ADAMTS18: variants seen among roughly 807,000 people sequenced by gnomAD.
ADAMTS18 encodes A disintegrin and metalloproteinase with thrombospondin motifs 18.
In ADAMTS18, 157 loss-of-function variants were observed where a neutral mutation model predicts 165.9. The ratio of observed to expected loss-of-function variants is 0.95; its 90% CI spans 0.83 to 1.08. ADAMTS18 has a LOEUF of 1.08. Among genes scored for constraint, ADAMTS18 ranks in the 50% least tolerant of loss-of-function variants. The probability of loss-of-function intolerance (pLI) is 0.00; values close to 1 mark genes in which losing one functional copy is unlikely to be tolerated. For synonymous variants in ADAMTS18, 782 were observed against 578.2 expected (o/e 1.35, Z -5.06); for missense variants, 2,040 against 1,534.0 (o/e 1.33, Z -5.51).
At chr16:77,335,246 T>C (rs569540805) in intron 12 of ADAMTS18, among the ~76,000 whole-genome samples, 60 of 150,206 alleles carry the variant, frequency 4.0e-4, no homozygotes, top group African/African-American at 1.3e-3. Context: ...AAGACAAATA[T>C]TGTATCTTCT....
At chr16:77,346,028 A>G (rs900594959) in intron 10 of ADAMTS18, among the ~76,000 whole-genome samples, 1 of 152,188 alleles carries the variant, frequency 6.6e-6, no homozygotes, top group African/African-American at 2.4e-5. Flanking sequence ...ATGCTCTGCC[A>G]ACACTCAAAT....
At chr16:77,344,016 A>C (rs1041700715) in intron 10 of ADAMTS18, among the ~76,000 whole-genome samples, 1 of 151,828 alleles carries the variant, frequency 6.6e-6, no homozygotes, top group African/African-American at 2.4e-5. Flanking sequence ...TTACAGTTAG[A>C]AAATATGGCA....
At chr16:77,298,626 T>C (rs1463320635) in intron 17 of ADAMTS18, among the ~76,000 whole-genome samples, 1 of 151,798 alleles carries the variant, frequency 6.6e-6, no homozygotes, top group African/African-American at 2.4e-5. Flanking sequence ...ACCCCATCTC[T>C]ATAAAAAAGA....
At chr16:77,305,888 A>G (rs1417936165) in intron 16 of ADAMTS18, among the ~76,000 whole-genome samples, 1 of 152,180 alleles carries the variant, frequency 6.6e-6, no homozygotes, top group Non-Finnish European at 1.5e-5. Flanking sequence ...ATGTAACTTG[A>G]AAATGATCAT....
At chr16:77,417,370 T>C (rs2057544114) in intron 3 of ADAMTS18, among the ~76,000 whole-genome samples, 2 of 152,150 alleles carry the variant, frequency 1.3e-5, no homozygotes, top group Admixed American at 6.6e-5. Context: ...TGTTAGTTAC[T>C]GGCAGCTAGA....
At chr16:77,314,785 T>TATATATATAA (rs1430439608) in intron 16 of ADAMTS18, among the ~76,000 whole-genome samples, 1 of 87,102 alleles carries the variant, frequency 1.1e-5, no homozygotes, top group East Asian at 3.0e-4. Context: ...TATATATATA[T>TATATATATAA]AAAATATATG....
chr16:77,339,033 G>A (rs1330007896), intron 11 of ADAMTS18, among the ~76,000 whole-genome samples: 1 of 151,916 alleles, frequency 6.6e-6, no homozygotes, highest in East Asian at 1.9e-4. Context: ...ATCGCTGAAG[G>A]ACAAGGGACT....
chr16:77,293,069 T>G lies in ADAMTS18; in HGVS notation c.3189+7A>C. On this transcript the variant is annotated splice_region_variant and intron_variant, in intron 20 of 22. Transcript: ENST00000282849. ...CTCCTGACCCAGCAGTGACTTCTAATCCATACCTCGCTCCACGAAGAAGCG... is the reference window on the plus strand; with the variant it reads ...CTCCTGACCCAGCAGTGACTTCTAAGCCATACCTCGCTCCACGAAGAAGCG... The G allele has an allele frequency of 6.2e-7, 1 of 1,613,982 alleles. No homozygotes were observed. The highest frequency in any genetic ancestry group is 8.5e-7 in the Non-Finnish European group (1 of 1,179,968).
chr16:77,336,309 T>G (rs1413080810), intron 11 of ADAMTS18, among the ~76,000 whole-genome samples: 1 of 152,126 alleles, frequency 6.6e-6, no homozygotes, highest in African/African-American at 2.4e-5. Flanking sequence ...GTTAAGATAT[T>G]AACACAATTT....
intron 10 of ADAMTS18, among the ~76,000 whole-genome samples, chr16:77,342,952 TGAA>T (rs2056421114): frequency 6.6e-6 from 1 of 151,972 alleles, no homozygotes; most frequent in Non-Finnish European, 1.5e-5. Flanking sequence ...GCTTTGAAGA[TGAA>T]GGAGGGGCCA....
At chr16:77,321,620 G>A (rs563480904) in intron 14 of ADAMTS18, among the ~76,000 whole-genome samples, 1 of 152,200 alleles carries the variant, frequency 6.6e-6, no homozygotes, top group Non-Finnish European at 1.5e-5. Flanking sequence ...CACTCAAAGT[G>A]AAAGGAAAAA....
At chr16:77,329,926 C>T (rs1210606486) in intron 12 of ADAMTS18, among the ~76,000 whole-genome samples, 1 of 152,146 alleles carries the variant, frequency 6.6e-6, no homozygotes, top group Non-Finnish European at 1.5e-5. Flanking sequence ...GCTTCTGCAT[C>T]ATTTATCAAG....
intron 20 of ADAMTS18, among the ~76,000 whole-genome samples, chr16:77,292,298 A>C (rs2055378916): frequency 6.6e-6 from 1 of 152,178 alleles, no homozygotes; most frequent in Admixed American, 6.5e-5. Context: ...TGTCTCAAAA[A>C]TAAAAAATTT....
At chr16:77,314,635 ATG>A (rs1567474595) in intron 16 of ADAMTS18, among the ~76,000 whole-genome samples, 4 of 133,844 alleles carry the variant, frequency 3.0e-5, no homozygotes, top group South Asian at 2.4e-4. Flanking sequence ...ATGTGTGTGT[ATG>A]TGTGTGTGTG....
chr16:77,313,449 TA>T (rs35385204), intron 16 of ADAMTS18, among the ~76,000 whole-genome samples: 72,380 of 144,568 alleles, frequency 0.5, 18,496 homozygotes, highest in African/African-American at 0.54. Flanking sequence ...ATAATAAAAA[TA>T]AAATAAATAA....
chr16:77,297,360 G>C lies in ADAMTS18; in HGVS notation c.2730C>G (p.Ser910=), dbSNP rs1415039564. 2 of 1,613,940 alleles carry C rather than the reference G, an allele frequency of 1.2e-6. No individual in the cohort carries two copies. Among genetic ancestry groups the C allele is most frequent in the Non-Finnish European group, 1.7e-6 (2 of 1,179,852 alleles). ...CLRDQNTQVN[S]SFCSAKTKPV... ...GCTTGGTTTTTGCACTGCAGAATGA[G>C]GAATTGACTTGAGTATTTTGATCTC... Residue 910 remains serine (S), a synonymous_variant, in exon 18 of 23, where the codon TCC becomes TCG. Coordinates refer to ENST00000282849, the MANE Select transcript of ADAMTS18 (RefSeq NM_199355.4).
chr16:77,386,461 C>G (rs1467507419), intron 3 of ADAMTS18, among the ~76,000 whole-genome samples: 1 of 152,200 alleles, frequency 6.6e-6, no homozygotes, highest in African/African-American at 2.4e-5. Context: ...ATTGTCATTT[C>G]ATCCAATTTT....
Position 77,325,975 on chromosome 16 carries a change from G to T in ADAMTS18, c.1923C>A (p.Asn641Lys). Reference protein sequence around the residue: ...SSRIYQLCNINPCNENSLDFR... With the variant: ...SSRIYQLCNIKPCNENSLDFR... ...AATCCAAGCTATTTTCATTGCAAGGGTTAATATTGCACAGCTGATAAATAC... is the reference window on the plus strand; with the variant it reads ...AATCCAAGCTATTTTCATTGCAAGGTTTAATATTGCACAGCTGATAAATAC... The change falls in exon 13 of 23, where the codon AAC becomes AAA. Residue 641 changes from asparagine to lysine, a missense_variant. Transcript: ENST00000282849. 1 of 1,613,942 alleles carries T rather than the reference G, an allele frequency of 6.2e-7. No individual in the cohort carries two copies. Among genetic ancestry groups the T allele is most frequent in the Non-Finnish European group, 8.5e-7 (1 of 1,179,868 alleles).
chr16:77,334,654 T>C (rs2056262463), intron 12 of ADAMTS18, among the ~76,000 whole-genome samples: 1 of 113,072 alleles, frequency 8.8e-6, no homozygotes, highest in Non-Finnish European at 1.7e-5. Context: ...ATATACACTA[T>C]ATACTGTATA....
Sources: gnomAD v4.1 joint callset for allele counts (sites outside exome capture counted in the v4.1 genomes callset) on GRCh38, gnomAD v4.1.1 for gene constraint, MANE v1.5 for transcripts, NCBI Gene and HGNC (gene_info 2026-07-23, HGNC 2026-07-21) for gene names.